Variants in TLN2 observed in about 807,000 individuals in gnomAD.
TLN2 encodes talin-2.
Under a neutral mutation model 294.7 loss-of-function variants are expected in TLN2, and 118 were observed. The observed-to-expected ratio is 0.40, with a 90% CI of 0.34 to 0.47. The LOEUF (loss-of-function observed/expected upper bound fraction) is 0.47. TLN2 is among the 20% of genes least tolerant of loss of function. The pLI is 0.84. For synonymous variants in TLN2, 1,431 were observed against 1,304.5 expected, an observed-to-expected ratio of 1.10 and a Z score of -2.09; for missense variants, 3,083 against 3,282.2, an observed-to-expected ratio of 0.94 and a Z score of 1.48.
chr15:62,724,853 C>G, intron 26 of TLN2, 123 bp from the exon 27 acceptor site: 1 of 1,255,676 alleles, frequency 8.0e-7, no homozygotes, highest in Non-Finnish European at 1.1e-6. Context: ...GCTTTCCTTG[C>G]TCCTCCTGCT....
chr15:62,835,763 A>G lies in TLN2; in HGVS notation c.7155A>G (p.Ala2385=), dbSNP rs935213632. ...TGGGCTCCATCCCTGCCAATGCTGCAGACGACGGACAGTGGTCACAGGGGC... is the reference window on the plus strand; with the variant it reads ...TGGGCTCCATCCCTGCCAATGCTGCGGACGACGGACAGTGGTCACAGGGGC... ...GKVGSIPANA[A]DDGQWSQGLI... Residue 2385 remains alanine (A), a synonymous_variant, in exon 56 of 59, where the codon GCA becomes GCG. Coordinates refer to ENST00000636159, the MANE Select transcript of TLN2 (RefSeq NM_015059.3). 28 of 1,614,076 alleles carry G rather than the reference A, an allele frequency of 1.7e-5. No individual in the cohort carries two copies. In the Middle Eastern group the frequency reaches 4.9e-4, roughly 28 times the overall value.
chr15:62,701,880 G>C, intron 17 of TLN2, 112 bp from the exon 18 acceptor site: 1 of 1,236,714 alleles, frequency 8.1e-7, no homozygotes, highest in Non-Finnish European at 1.1e-6. Flanking sequence ...GAAGCTTGGT[G>C]TCTGACTCCT....
intron 51 of TLN2, among the ~76,000 whole-genome samples, chr15:62,809,230 T>C (rs1005189455): frequency 7.2e-5 from 11 of 152,218 alleles, no homozygotes; most frequent in African/African-American, 2.7e-4. Flanking sequence ...ACTCTGTGAA[T>C]GGGTATCCCT....
chr15:62,741,748 C>CGCGCGCGTGTGTGT, intron 32 of TLN2, among the ~76,000 whole-genome samples: 2 of 131,072 alleles, frequency 1.5e-5, no homozygotes, highest in African/African-American at 2.9e-5. Flanking sequence ...AAAATTTGCG[C>CGCGCGCGTGTGTGT]GTGTGTGTGT....
intron 1 of TLN2, among the ~76,000 whole-genome samples, chr15:62,396,282 G>T (rs914291011): frequency 6.6e-6 from 1 of 152,168 alleles, no homozygotes; most frequent in African/African-American, 2.4e-5. Context: ...TGGTTGACTT[G>T]TTCAAACACG....
chr15:62,586,848 A>T (rs7183699), intron 1 of TLN2, among the ~76,000 whole-genome samples: 49,495 of 151,934 alleles, frequency 0.33, 9,662 homozygotes, highest in African/African-American at 0.55. Context: ...GCCTATTTTC[A>T]TAGCGGCTTT....
At chr15:62,728,943 TCTC>T (rs1379606995) in intron 28 of TLN2, among the ~76,000 whole-genome samples, 3 of 152,232 alleles carry the variant, frequency 2.0e-5, no homozygotes, top group Non-Finnish European at 4.4e-5. Context: ...ATGCAGATGT[TCTC>T]CTCTGTCGTA....
At position 62,698,835 on chromosome 15, in the gene TLN2, C is replaced by T. The variant is rs1387297733; in HGVS notation, c.1555C>T (p.Leu519Phe). 1.9e-6 allele frequency: 3 copies of T among 1,612,796 alleles called. No homozygotes were observed. Among genetic ancestry groups the T allele is most frequent in the Admixed American group, 1.7e-5 (1 of 60,004 alleles). ...VQQAQDDLSE[L>F]DSLPPLGQDM... ...GCAGGCCCAGGATGATCTCAGTGAG[C>T]TCGACTCGCTGCCACCTCTCGGCCA... The change falls in exon 16 of 59, where the codon CTC becomes TTC. Residue 519 changes from leucine (L) to phenylalanine (F), a missense_variant. Leu to Phe is a conservative substitution (Grantham distance 22). Transcript: ENST00000636159.
intron 3 of TLN2, among the ~76,000 whole-genome samples, chr15:62,626,756 A>G (rs558439450): frequency 6.6e-6 from 1 of 152,206 alleles, no homozygotes; most frequent in Non-Finnish European, 1.5e-5. Context: ...TTAAGGGCCC[A>G]TTTATTGCTA....
chr15:62,681,653 C>T (rs2056839558), intron 11 of TLN2, among the ~76,000 whole-genome samples: 2 of 152,104 alleles, frequency 1.3e-5, no homozygotes, highest in Non-Finnish European at 1.5e-5. Flanking sequence ...AGGGAAAGTA[C>T]CTAAACTCTC....
intron 1 of TLN2, among the ~76,000 whole-genome samples, chr15:62,466,794 T>C (rs540617132): frequency 2.1e-4 from 32 of 152,218 alleles, no homozygotes; most frequent in Non-Finnish European, 3.5e-4. Context: ...CCTAAGGAGA[T>C]TTGATTTTGG....
intron 42 of TLN2, among the ~76,000 whole-genome samples, chr15:62,773,790 C>T (rs1031192064): frequency 3.9e-5 from 6 of 152,102 alleles, no homozygotes; most frequent in African/African-American, 1.4e-4. Context: ...GTTTCTGCAC[C>T]TAAACAATGA....
chr15:62,577,579 T>C (rs1410178847), intron 1 of TLN2, among the ~76,000 whole-genome samples: 1 of 152,200 alleles, frequency 6.6e-6, no homozygotes, highest in Non-Finnish European at 1.5e-5. Flanking sequence ...AGGAATTAAA[T>C]GGGGGCCTAG....
intron 9 of TLN2, among the ~76,000 whole-genome samples, chr15:62,670,538 A>C (rs1164466961): frequency 6.6e-6 from 1 of 152,182 alleles, no homozygotes; most frequent in Non-Finnish European, 1.5e-5. Context: ...CCTCCTTCTG[A>C]TGAACTTGGA....
chr15:62,819,608 G>T lies in TLN2; in HGVS notation c.6864G>T (p.Ala2288=). ...AGAVTELIQA[A]EAMKGTEWVD... The stretch of plus-strand genomic sequence containing the variant: ...CTGTGACAGAGCTCATCCAGGCGGC[G>T]GAAGCCATGAAAGGTAGGCTGGATT... The change falls in exon 53 of 59, where the codon GCG becomes GCT. Residue 2288 remains alanine (A), a synonymous_variant. Transcript: ENST00000636159. 2 of 1,610,858 alleles carry T rather than the reference G, an allele frequency of 1.2e-6. No individual in the cohort carries two copies. The highest frequency in any genetic ancestry group is 1.7e-6 in the Non-Finnish European group (2 of 1,179,980).
chr15:62,711,625 C>T (rs1382510298), intron 21 of TLN2, among the ~76,000 whole-genome samples: 1 of 152,230 alleles, frequency 6.6e-6, no homozygotes, highest in Non-Finnish European at 1.5e-5. Context: ...ATTTTGTTCC[C>T]TGCCCTCTCT....
At chr15:62,822,702 G>A (rs1253656900) in intron 54 of TLN2, among the ~76,000 whole-genome samples, 1 of 152,158 alleles carries the variant, frequency 6.6e-6, no homozygotes, top group Non-Finnish European at 1.5e-5. Context: ...ACTCCTCGAA[G>A]GAATATTATG....
intron 1 of TLN2, among the ~76,000 whole-genome samples, chr15:62,495,482 C>T (rs192151809): frequency 6.6e-6 from 1 of 152,288 alleles, no homozygotes; most frequent in East Asian, 1.9e-4. Context: ...TAAAGTGGGA[C>T]CTCCCTGTTG....
intron 3 of TLN2, among the ~76,000 whole-genome samples, chr15:62,632,836 T>C (rs958785040): frequency 1.3e-5 from 2 of 152,176 alleles, no homozygotes; most frequent in African/African-American, 4.8e-5. Context: ...CTGCCTCCCA[T>C]CCCTTTTTAT....
Sources: gnomAD v4.1 joint callset for allele counts (sites outside exome capture counted in the v4.1 genomes callset) on GRCh38, gnomAD v4.1.1 for gene constraint, MANE v1.5 for transcripts, NCBI Gene and HGNC (gene_info 2026-07-23, HGNC 2026-07-21) for gene names.